Variants in CNTN4 observed in about 807,000 individuals in gnomAD.
CNTN4 encodes contactin-4.
CNTN4 carries 77 observed loss-of-function variants against 122.5 expected under a neutral mutation model. That is an observed-to-expected ratio of 0.63 (90% CI 0.52 to 0.76). CNTN4 has a LOEUF of 0.76. Among genes scored for constraint, CNTN4 ranks in the 30% least tolerant of loss-of-function variants. CNTN4 has a pLI of 0.00. For synonymous variants in CNTN4, 512 were observed against 447.0 expected (o/e 1.15, Z -1.83); for missense variants, 1,256 against 1,259.1 (o/e 1.00, Z 0.04).
At chr3:2,814,750 C>G (rs1175754626) in intron 6 of CNTN4, among the ~76,000 whole-genome samples, 5 of 152,190 alleles carry the variant, frequency 3.3e-5, no homozygotes, top group Non-Finnish European at 7.3e-5. Flanking sequence ...AGAGACAAAA[C>G]ATGAGTTTGT....
intron 2 of CNTN4, among the ~76,000 whole-genome samples, chr3:2,335,514 A>C (rs1360658088): frequency 6.6e-6 from 1 of 151,930 alleles, no homozygotes; most frequent in Non-Finnish European, 1.5e-5. Flanking sequence ...TTAGCCAATC[A>C]AGTGCAATAG....
intron 2 of CNTN4, among the ~76,000 whole-genome samples, chr3:2,164,906 T>C (rs904233073): frequency 6.6e-6 from 1 of 152,170 alleles, no homozygotes; most frequent in Non-Finnish European, 1.5e-5. Context: ...CTTAAGGATG[T>C]ACTATAGCCA....
intron 15 of CNTN4, among the ~76,000 whole-genome samples, chr3:3,027,723 C>T (rs1000098837): frequency 6.6e-5 from 10 of 152,168 alleles, no homozygotes; most frequent in Non-Finnish European, 1.2e-4. Flanking sequence ...CTCAGAATGG[C>T]GCAAGCACCA....
At chr3:2,879,027 C>T (rs532080907) in intron 8 of CNTN4, among the ~76,000 whole-genome samples, 2 of 152,198 alleles carry the variant, frequency 1.3e-5, no homozygotes, top group Non-Finnish European at 2.9e-5. Context: ...TGAATTTTGT[C>T]CCTCAAATAG....
At chr3:2,240,413 C>G (rs1209963604) in intron 2 of CNTN4, among the ~76,000 whole-genome samples, 1 of 151,942 alleles carries the variant, frequency 6.6e-6, no homozygotes, top group Non-Finnish European at 1.5e-5. Context: ...TTATTTTAAG[C>G]TCGTTTTTCC....
At chr3:2,851,571 T>C (rs745749828) in intron 7 of CNTN4, among the ~76,000 whole-genome samples, 1 of 152,252 alleles carries the variant, frequency 6.6e-6, no homozygotes, top group Non-Finnish European at 1.5e-5. Flanking sequence ...CTGTTAATGA[T>C]TTCTCACCTT....
chr3:3,037,193 G>A lies in CNTN4; in HGVS notation c.1957G>A (p.Asp653Asn). The change falls in exon 18 of 25, where the codon GAT (aspartate) becomes AAT (asparagine). Residue 653 changes from aspartate to asparagine, a missense_variant. By Grantham distance (23) the Asp-to-Asn change is conservative. Coordinates refer to ENST00000418658, the MANE Select transcript of CNTN4 (RefSeq NM_175607.3). Reference sequence around the variant, plus strand: ...TTGTCTTTCAGTCCCAGAACTCATTGATGGGAAGACATTCACAGCGACCGT... The same window carrying A: ...TTGTCTTTCAGTCCCAGAACTCATTAATGGGAAGACATTCACAGCGACCGT... ...QAVSTVPELI[D>N]GKTFTATVVG... 6.2e-7 allele frequency: 1 copy of A among 1,614,208 alleles called. No homozygotes were observed. The highest frequency in any genetic ancestry group is 8.5e-7 in the Non-Finnish European group (1 of 1,180,026).
chr3:2,700,246 T>C (rs2086283171), intron 4 of CNTN4, among the ~76,000 whole-genome samples: 1 of 152,186 alleles, frequency 6.6e-6, no homozygotes, highest in South Asian at 2.1e-4. Flanking sequence ...CCTTATGAGA[T>C]CATCATGTCC....
chr3:2,843,741 C>G (rs563700699), intron 7 of CNTN4, among the ~76,000 whole-genome samples: 4 of 152,128 alleles, frequency 2.6e-5, no homozygotes, highest in Non-Finnish European at 5.9e-5. Flanking sequence ...TGAGGCCTCC[C>G]CAGAAGCGGA....
intron 4 of CNTN4, among the ~76,000 whole-genome samples, chr3:2,638,513 C>G (rs1179332238): frequency 6.6e-6 from 1 of 151,822 alleles, no homozygotes; most frequent in Non-Finnish European, 1.5e-5. Context: ...TACTTTCTGA[C>G]ACACATTCAG....
chr3:2,807,121 G>A (rs904760233), intron 6 of CNTN4, among the ~76,000 whole-genome samples: 4 of 152,124 alleles, frequency 2.6e-5, no homozygotes, highest in Non-Finnish European at 4.4e-5. Context: ...GATAGGTGCC[G>A]ATAGTAGGCA....
At chr3:2,444,301 T>C (rs2048542674) in intron 3 of CNTN4, among the ~76,000 whole-genome samples, 1 of 149,570 alleles carries the variant, frequency 6.7e-6, no homozygotes, top group Non-Finnish European at 1.5e-5. Flanking sequence ...AGAGTAGAAA[T>C]AGAGAATCAC....
intron 4 of CNTN4, among the ~76,000 whole-genome samples, chr3:2,729,971 A>G: frequency 6.6e-6 from 1 of 152,186 alleles, no homozygotes; most frequent in East Asian, 1.9e-4. Context: ...GCTTGCTCAA[A>G]TGCTGTTTTC....
At chr3:2,341,892 T>C (rs553774941) in intron 3 of CNTN4, among the ~76,000 whole-genome samples, 2 of 152,312 alleles carry the variant, frequency 1.3e-5, no homozygotes, top group South Asian at 2.1e-4. Context: ...AGCTGAACAA[T>C]AGCAGCCTTC....
At chr3:2,353,693 G>C (rs557956544) in intron 3 of CNTN4, among the ~76,000 whole-genome samples, 1 of 152,210 alleles carries the variant, frequency 6.6e-6, no homozygotes, top group African/African-American at 2.4e-5. Context: ...AAGTCAGCGA[G>C]ACCAAGAACC....
At position 2,302,879 on chromosome 3, in the gene CNTN4, T is replaced by C. The variant is rs182611939; in HGVS notation, c.-144-36299T>C. Among the ~76,000 whole-genome samples the C allele has an allele frequency of 1.1e-4, 16 of 152,338 alleles. No homozygotes were observed. The East Asian group carries it at 3.1e-3, about 29-fold the overall frequency. On this transcript the variant is annotated intron_variant, in intron 2 of 24. Transcript: ENST00000418658. ...ACTGTATGTGCTTCATTAATACTTG[T>C]GAATAAATATGTGAATGAAATTTCA...
chr3:2,147,281 A>T (rs890318863), intron 2 of CNTN4, among the ~76,000 whole-genome samples: 1 of 152,072 alleles, frequency 6.6e-6, no homozygotes, highest in African/African-American at 2.4e-5. Context: ...TCAGAGGAGC[A>T]TTCCAGCCCT....
intron 23 of CNTN4, among the ~76,000 whole-genome samples, chr3:3,046,707 G>A (rs1367928926): frequency 6.6e-6 from 1 of 152,118 alleles, no homozygotes; most frequent in Non-Finnish European, 1.5e-5. Context: ...ATGCTAGGAA[G>A]AAACTGCATC....
intron 3 of CNTN4, among the ~76,000 whole-genome samples, chr3:2,405,390 A>G (rs890407040): frequency 6.6e-6 from 1 of 152,170 alleles, no homozygotes; most frequent in Non-Finnish European, 1.5e-5. Flanking sequence ...GCTATAGTAC[A>G]AGATGAGCCT....
Sources: allele counts gnomAD v4.1 joint callset (sites outside exome capture counted in the v4.1 genomes callset), GRCh38; gene constraint gnomAD v4.1.1; transcripts MANE v1.5; gene names NCBI Gene and HGNC (gene_info 2026-07-23, HGNC 2026-07-21).